The following NDST3 variants were observed in gnomAD, a reference collection of about 807,000 sequenced individuals.
The protein encoded by NDST3 is bifunctional heparan sulfate N-deacetylase/N-sulfotransferase 3.
Under a neutral mutation model 96.1 loss-of-function variants are expected in NDST3, and 58 were observed. The ratio of observed to expected loss-of-function variants is 0.60; its 90% CI spans 0.49 to 0.75. The LOEUF (loss-of-function observed/expected upper bound fraction) is 0.75. Among genes scored for constraint, NDST3 ranks in the 30% least tolerant of loss-of-function variants. NDST3 has a pLI of 0.00. For synonymous variants in NDST3, 333 were observed against 359.7 expected, an observed-to-expected ratio of 0.93 and a Z score of 0.84; for missense variants, 788 against 1,034.2, an observed-to-expected ratio of 0.76 and a Z score of 3.27.
At chr4:118,184,602 T>TACACAC (rs562099266) in intron 6 of NDST3, among the ~76,000 whole-genome samples, 17,684 of 138,354 alleles carry the variant, frequency 0.13, 1,508 homozygotes, top group East Asian at 0.38. Flanking sequence ...TCTCTCTCTC[T>TACACAC]ACACACACAC....
chr4:118,052,758 T>C (rs1725152087), intron 1 of NDST3, among the ~76,000 whole-genome samples: 2 of 152,056 alleles, frequency 1.3e-5, no homozygotes, highest in South Asian at 4.1e-4. Flanking sequence ...CAGTGTGCTG[T>C]GATACCAGAG....
chr4:118,254,426 A>G (rs2126017151), intron 13 of NDST3, among the ~76,000 whole-genome samples: 1 of 152,244 alleles, frequency 6.6e-6, no homozygotes, highest in East Asian at 1.9e-4. Flanking sequence ...CAGATAATTT[A>G]GGCTTTGGGG....
intron 6 of NDST3, among the ~76,000 whole-genome samples, chr4:118,197,077 A>G (rs1425286804): frequency 2.0e-5 from 3 of 149,210 alleles, no homozygotes; most frequent in African/African-American, 4.9e-5. Flanking sequence ...TTCAATTTCC[A>G]TCTTAATTTC....
intron 6 of NDST3, among the ~76,000 whole-genome samples, chr4:118,167,860 A>G (rs1042220778): frequency 6.6e-6 from 1 of 152,018 alleles, no homozygotes; most frequent in East Asian, 1.9e-4. Flanking sequence ...ATATTCACAT[A>G]TAAAAAATTA....
chr4:118,208,127 G>A (rs1185185702), intron 6 of NDST3, among the ~76,000 whole-genome samples: 1 of 144,274 alleles, frequency 6.9e-6, no homozygotes, highest in African/African-American at 2.6e-5. Flanking sequence ...AGTTATTTAA[G>A]GGAGTTATAA....
intron 2 of NDST3, among the ~76,000 whole-genome samples, chr4:118,100,034 G>T (rs1729637205): frequency 6.6e-6 from 1 of 152,002 alleles, no homozygotes; most frequent in South Asian, 2.1e-4. Flanking sequence ...TCTTATGTGT[G>T]AACGTAACTA....
intron 2 of NDST3, among the ~76,000 whole-genome samples, chr4:118,099,047 T>C (rs1284738620): frequency 6.6e-6 from 1 of 152,106 alleles, no homozygotes; most frequent in Non-Finnish European, 1.5e-5. Context: ...CTTCTGTGTA[T>C]TAGGAAAGGA....
chr4:118,048,354 C>A (rs1245944810), intron 1 of NDST3, among the ~76,000 whole-genome samples: 1 of 152,008 alleles, frequency 6.6e-6, no homozygotes, highest in East Asian at 1.9e-4. Context: ...AACATGATGA[C>A]AGGACCAAAA....
chr4:118,230,272 G>A (rs866325404), intron 8 of NDST3, among the ~76,000 whole-genome samples: 6 of 152,084 alleles, frequency 3.9e-5, no homozygotes, highest in Admixed American at 3.3e-4. Flanking sequence ...AGCATCACCA[G>A]AAAATTTATT....
At chr4:118,165,914 T>C (rs1187128225) in intron 6 of NDST3, among the ~76,000 whole-genome samples, 2 of 151,878 alleles carry the variant, frequency 1.3e-5, no homozygotes. Flanking sequence ...ACAAAAGCAG[T>C]ATTATGAGGG....
chr4:118,078,130 T>A (rs898549311), intron 2 of NDST3, among the ~76,000 whole-genome samples: 2 of 152,126 alleles, frequency 1.3e-5, no homozygotes, highest in Non-Finnish European at 2.9e-5. Flanking sequence ...ACTTGCCTTT[T>A]CCCATTTTGG....
intron 1 of NDST3, among the ~76,000 whole-genome samples, chr4:118,052,862 A>C (rs948172163): frequency 2.6e-5 from 4 of 152,040 alleles, no homozygotes; most frequent in Admixed American, 2.0e-4. Flanking sequence ...AAATTTTCAA[A>C]GGTTACTAAG....
intron 9 of NDST3, 60 bp downstream of exon 9, chr4:118,233,195 G>T (rs907155257): frequency 6.2e-5 from 81 of 1,311,548 alleles, no homozygotes; most frequent in Non-Finnish European, 7.9e-5. Flanking sequence ...TATAAACTTA[G>T]CACTAATATT....
chr4:118,041,690 A>C (rs2110426261), intron 1 of NDST3, among the ~76,000 whole-genome samples: 1 of 152,300 alleles, frequency 6.6e-6, no homozygotes, highest in Non-Finnish European at 1.5e-5. Flanking sequence ...TACCCTACTG[A>C]CCATGCAAAA....
At chr4:118,065,841 T>G (rs1156996208) in intron 2 of NDST3, among the ~76,000 whole-genome samples, 1 of 151,060 alleles carries the variant, frequency 6.6e-6, no homozygotes, top group Non-Finnish European at 1.5e-5. Context: ...TGGTGCCTGG[T>G]GCAGTAATGT....
intron 1 of NDST3, among the ~76,000 whole-genome samples, chr4:118,035,111 T>C (rs1280048847): frequency 1.3e-5 from 2 of 152,170 alleles, no homozygotes; most frequent in African/African-American, 4.8e-5. Context: ...AGAAAACAGA[T>C]ATATCTTCTA....
chr4:118,087,232 C>A (rs1728494993), intron 2 of NDST3, among the ~76,000 whole-genome samples: 1 of 152,080 alleles, frequency 6.6e-6, no homozygotes. Context: ...TTTTAAAGAT[C>A]ACATAGATGA....
intron 6 of NDST3, among the ~76,000 whole-genome samples, chr4:118,191,492 A>C (rs150177258): frequency 1.5e-3 from 229 of 152,296 alleles, no homozygotes; most frequent in African/African-American, 5.2e-3. Context: ...GATGGAGTCC[A>C]TTAAGGAATA....
chr4:118,149,704 G>A (rs1364429076), intron 6 of NDST3, among the ~76,000 whole-genome samples: 1 of 149,760 alleles, frequency 6.7e-6, no homozygotes, highest in Non-Finnish European at 1.5e-5. Flanking sequence ...TCTGCAAACA[G>A]GGACAATTTG....
Sources: gnomAD v4.1 joint callset for allele counts (sites outside exome capture counted in the v4.1 genomes callset) on GRCh38, gnomAD v4.1.1 for gene constraint, MANE v1.5 for transcripts, NCBI Gene and HGNC (gene_info 2026-07-23, HGNC 2026-07-21) for gene names.